Variants in NSUN6 observed in about 807,000 individuals in gnomAD.
The protein encoded by NSUN6 is tRNA (cytosine(72)-C(5))-methyltransferase NSUN6.
A neutral mutation model predicts 58.0 loss-of-function variants in NSUN6; 64 were observed. The observed-to-expected ratio is 1.10, with a 90% CI of 0.90 to 1.36. The LOEUF is 1.36. Ranked by LOEUF, NSUN6 falls within the 40% of genes most tolerant of loss-of-function variation. NSUN6 has a pLI of 0.00. For synonymous variants in NSUN6, 231 were observed against 193.9 expected, an observed-to-expected ratio of 1.19 and a Z score of -1.59; for missense variants, 701 against 550.1, an observed-to-expected ratio of 1.27 and a Z score of -2.74.
chr10:18,651,053 C>A (rs544668535), intron 1 of NSUN6, 76 bp downstream of exon 1: 5 of 1,545,438 alleles, frequency 3.2e-6, no homozygotes, highest in Non-Finnish European at 4.3e-6. Flanking sequence ...TCCCTTTATA[C>A]TTATTTCTAT....
intron 8 of NSUN6, among the ~76,000 whole-genome samples, chr10:18,571,226 C>T (rs1338275377): frequency 2.0e-5 from 3 of 150,668 alleles, no homozygotes; most frequent in African/African-American, 4.9e-5. Context: ...CTGTTCCATA[C>T]CATTCTTCAT....
chr10:18,622,037 G>GACACAC lies in NSUN6; in HGVS notation c.312-5750_312-5745dup, dbSNP rs370576076. ...CACATATATATATATATATACGAATGACACACACACACACACACACACAGA... is the reference window on the plus strand; with the variant it reads ...CACATATATATATATATATACGAATGACACACACACACACACACACACACACACAGA... On this transcript the variant is annotated intron_variant, in intron 3 of 10. Transcript: ENST00000377304. 6.8e-3 allele frequency among the ~76,000 whole-genome samples: 1,010 copies of GACACAC among 148,430 alleles called. 12 individuals carry two copies. Among genetic ancestry groups the GACACAC allele is most frequent in the African/African-American group, 0.024 (969 of 40,484 alleles).
chr10:18,548,953 C>T (rs2054448428), intron 9 of NSUN6, among the ~76,000 whole-genome samples: 1 of 152,162 alleles, frequency 6.6e-6, no homozygotes, highest in East Asian at 1.9e-4. Context: ...GGCCACTTCT[C>T]ACCACTTCCA....
chr10:18,581,757 C>T (rs1308273748), intron 8 of NSUN6, among the ~76,000 whole-genome samples: 4 of 149,788 alleles, frequency 2.7e-5, no homozygotes, highest in African/African-American at 9.9e-5. Context: ...ACCCGGGAGG[C>T]GGAGGCTGAA....
rs28633741 is a variant in NSUN6 at position 18,620,927 on chromosome 10, G to A, written c.312-4634C>T. Among the ~76,000 whole-genome samples, 1,241 of 152,284 alleles carry A rather than the reference G, an allele frequency of 8.1e-3. 21 individuals carry two copies. The highest frequency in any genetic ancestry group is 0.029 in the African/African-American group (1,190 of 41,554). ...TAGATTTTATGAAAATAACATGGAG[G>A]GGAAAGGATGAATTCTGGAACAGAG... On this transcript the variant is annotated intron_variant, in intron 3 of 10. Coordinates refer to ENST00000377304, the MANE Select transcript of NSUN6 (RefSeq NM_182543.5).
chr10:18,546,611 C>G (rs1284163583), intron 10 of NSUN6, among the ~76,000 whole-genome samples: 5 of 152,186 alleles, frequency 3.3e-5, no homozygotes, highest in Non-Finnish European at 7.3e-5. Flanking sequence ...GGCACAGTGG[C>G]TCACACCTAT....
intron 8 of NSUN6, among the ~76,000 whole-genome samples, chr10:18,555,888 GAGAAT>G (rs1293716007): frequency 4.2e-5 from 6 of 142,914 alleles, no homozygotes; most frequent in Admixed American, 3.0e-4. Context: ...AACTGGAATG[GAGAAT>G]AGAATGGAAT....
At chr10:18,558,576 TG>T (rs2055230619) in intron 8 of NSUN6, among the ~76,000 whole-genome samples, 1 of 149,166 alleles carries the variant, frequency 6.7e-6, no homozygotes, top group South Asian at 2.1e-4. Context: ...GAGTGGAGAA[TG>T]GAATGTAATG....
At chr10:18,642,437 T>G (rs375923256) in intron 3 of NSUN6, 39 bp downstream of exon 3, 1 of 990,610 alleles carries the variant, frequency 1.0e-6, no homozygotes, top group Non-Finnish European at 1.6e-6. Context: ...CAAACTTTTA[T>G]TGAGAATAAT....
chr10:18,581,632 G>A (rs140411482), intron 8 of NSUN6, among the ~76,000 whole-genome samples: 3,073 of 152,138 alleles, frequency 0.02, 40 homozygotes, highest in Non-Finnish European at 0.034. Flanking sequence ...CGAGATCATC[G>A]TGGCCAACAT....
intron 8 of NSUN6, among the ~76,000 whole-genome samples, chr10:18,552,893 T>G (rs2054699254): frequency 6.6e-6 from 1 of 151,678 alleles, no homozygotes; most frequent in East Asian, 1.9e-4. Flanking sequence ...CACCATTCCA[T>G]TCTCCCTTCC....
chr10:18,556,732 G>A (rs1215157919), intron 8 of NSUN6, among the ~76,000 whole-genome samples: 1 of 151,460 alleles, frequency 6.6e-6, no homozygotes, highest in Non-Finnish European at 1.5e-5. Context: ...GAATGGATTG[G>A]AATGGAATAC....
chr10:18,634,316 A>G (rs1377404233), intron 3 of NSUN6, among the ~76,000 whole-genome samples: 1 of 152,246 alleles, frequency 6.6e-6, no homozygotes, highest in Non-Finnish European at 1.5e-5. Context: ...AGAAGCAGAG[A>G]TAAGTAATAC....
At chr10:18,547,759 G>T (rs1396468566) in intron 10 of NSUN6, among the ~76,000 whole-genome samples, 2 of 151,834 alleles carry the variant, frequency 1.3e-5, no homozygotes, top group African/African-American at 4.8e-5. Context: ...GAGAGAAAAT[G>T]CTCAACATTT....
At chr10:18,591,394 C>T (rs568887972) in intron 7 of NSUN6, among the ~76,000 whole-genome samples, 1 of 152,022 alleles carries the variant, frequency 6.6e-6, no homozygotes, top group African/African-American at 2.4e-5. Flanking sequence ...ATCCTGATAC[C>T]AAAACCTGGC....
chr10:18,551,813 C>T lies in NSUN6; in HGVS notation c.1071+10G>A. ...TTAACTTTGTTTCACAAAAACAGAC[C>T]ACCACATACTGCAGTGAAGAGTTTT... On this transcript the variant is annotated intron_variant, in intron 9 of 10. Coordinates refer to ENST00000377304, the MANE Select transcript of NSUN6 (RefSeq NM_182543.5). 6.2e-7 allele frequency: 1 copy of T among 1,604,532 alleles called. No homozygotes were observed. The highest frequency in any genetic ancestry group is 8.5e-7 in the Non-Finnish European group (1 of 1,175,250).
At chr10:18,640,578 A>G (rs575803143) in intron 3 of NSUN6, among the ~76,000 whole-genome samples, 1 of 152,276 alleles carries the variant, frequency 6.6e-6, no homozygotes, top group East Asian at 1.9e-4. Flanking sequence ...AAACTAAGAG[A>G]TGATAGAAAT....
At chr10:18,580,986 G>C (rs549419582) in intron 8 of NSUN6, among the ~76,000 whole-genome samples, 2 of 152,296 alleles carry the variant, frequency 1.3e-5, no homozygotes, top group South Asian at 4.1e-4. Context: ...ACTTGGAAGA[G>C]GGCCAACTGG....
At chr10:18,573,260 TCCATTGC>T (rs1468459501) in intron 8 of NSUN6, among the ~76,000 whole-genome samples, 1 of 151,328 alleles carries the variant, frequency 6.6e-6, no homozygotes, top group Non-Finnish European at 1.5e-5. Flanking sequence ...TTTTCCATTG[TCCATTGC>T]ATTCCATTCT....
Sources: allele counts gnomAD v4.1 joint callset (sites outside exome capture counted in the v4.1 genomes callset), GRCh38; gene constraint gnomAD v4.1.1; transcripts MANE v1.5; gene names NCBI Gene and HGNC (gene_info 2026-07-23, HGNC 2026-07-21).